Variants in PDE8B observed in about 807,000 individuals in gnomAD.
The protein encoded by PDE8B is phosphodiesterase 8B, also known as high affinity cAMP-specific and IBMX-insensitive 3',5'-cyclic phosphodiesterase 8B.
In PDE8B, 26 loss-of-function variants were observed where a neutral mutation model predicts 101.3. That is an observed-to-expected ratio of 0.26 (90% confidence interval 0.19 to 0.36). PDE8B has a LOEUF of 0.36. Ranked by LOEUF, PDE8B falls within the 10% of genes least tolerant of loss-of-function variation. PDE8B has a pLI of 1.00. For missense variants in PDE8B, 810 were observed against 1,163.1 expected (o/e 0.70, Z 4.42); for synonymous variants, 424 against 429.3 (o/e 0.99, Z 0.15).
intron 2 of PDE8B, among the ~76,000 whole-genome samples, chr5:77,316,927 A>T (rs1773886435): frequency 6.6e-6 from 1 of 152,198 alleles, no homozygotes; most frequent in Admixed American, 6.5e-5. Context: ...TGAAGGACAC[A>T]ATAATTAAGG....
intron 1 of PDE8B, among the ~76,000 whole-genome samples, chr5:77,251,487 G>A (rs1237643596): frequency 1.3e-5 from 2 of 152,194 alleles, no homozygotes. Context: ...TTTCCCATGT[G>A]AGAAAGACTT....
At chr5:77,353,443 T>A in intron 10 of PDE8B, 37 bp downstream of exon 10, 1 of 1,175,406 alleles carries the variant, frequency 8.5e-7, no homozygotes, top group Non-Finnish European at 1.3e-6. Context: ...TCTGTCTGTT[T>A]GGCCATGCGT....
At chr5:77,360,550 C>T (rs532474023) in intron 10 of PDE8B, among the ~76,000 whole-genome samples, 25 of 152,308 alleles carry the variant, frequency 1.6e-4, no homozygotes, top group South Asian at 1.2e-3. Context: ...TTTTGCTCAA[C>T]CTAAATCATC....
intron 10 of PDE8B, among the ~76,000 whole-genome samples, chr5:77,365,354 G>A (rs1351484237): frequency 3.9e-5 from 6 of 152,182 alleles, no homozygotes; most frequent in Admixed American, 6.5e-5. Flanking sequence ...GCGCGATCAT[G>A]TTATATTAGG....
intron 10 of PDE8B, among the ~76,000 whole-genome samples, chr5:77,368,553 C>T (rs886843796): frequency 2.6e-5 from 4 of 152,176 alleles, no homozygotes; most frequent in South Asian, 2.1e-4. Flanking sequence ...TTGCTGGCTG[C>T]GTCACACAGC....
At chr5:77,173,981 A>C in the PDE8B span, among the ~76,000 whole-genome samples, 1 of 152,146 alleles carries the variant, frequency 6.6e-6, no homozygotes, top group African/African-American at 2.4e-5. Flanking sequence ...GCTGGGACCA[A>C]CCACTGGCCT....
the PDE8B span, among the ~76,000 whole-genome samples, chr5:77,190,504 C>T: frequency 1.3e-5 from 2 of 152,284 alleles, no homozygotes; most frequent in Middle Eastern, 3.4e-3. Context: ...GAGAAAAGGA[C>T]GTCTACAGTC....
chr5:77,238,603 G>T (rs1278787831), intron 1 of PDE8B, among the ~76,000 whole-genome samples: 1 of 152,136 alleles, frequency 6.6e-6, no homozygotes, highest in Non-Finnish European at 1.5e-5. Context: ...GAACCAATAG[G>T]ATACACATAG....
At position 77,270,356 on chromosome 5, in the gene PDE8B, G is replaced by T. The variant is rs141965817; in HGVS notation, c.340-41638G>T. On this transcript the variant is annotated intron_variant, in intron 1 of 21. Coordinates refer to ENST00000264917, the MANE Select transcript of PDE8B (RefSeq NM_003719.5). ...GTTTATCCATTCTAATAGTTTTTTG[G>T]TGAAATCTTTAGGTTTTTCCAAGTA... 4.0e-3 allele frequency among the ~76,000 whole-genome samples: 603 copies of T among 152,216 alleles called. 7 individuals carry two copies. The highest frequency in any genetic ancestry group is 0.014 in the African/African-American group (575 of 41,536).
At chr5:77,140,290 T>A in the PDE8B span, 1 of 152,198 alleles carries the variant, frequency 6.6e-6, no homozygotes, top group Non-Finnish European at 1.5e-5. Flanking sequence ...TTTCCTGATT[T>A]GTTTTTGCCA....
the PDE8B span, among the ~76,000 whole-genome samples, chr5:77,095,906 A>C: frequency 6.6e-6 from 1 of 152,122 alleles, no homozygotes; most frequent in Non-Finnish European, 1.5e-5. Context: ...CATGCCTCAA[A>C]CTAGACCCTA....
rs772985826 is a variant in PDE8B, at chr5:77,309,941, A to ACCTTTTTTTTTTTTTTTTTTTT, written c.340-2053_340-2052insCCTTTTTTTTTTTTTTTTTTTT. ...AACTGGTTTCCCTTTTTAATCATTA[A>ACCTTTTTTTTTTTTTTTTTTTT]TCTTTTTTTTTTTTTTTTTTTTTTT... On this transcript the variant is annotated intron_variant, in intron 1 of 21. Coordinates refer to ENST00000264917, the MANE Select transcript of PDE8B (RefSeq NM_003719.5). 4.8e-5 allele frequency among the ~76,000 whole-genome samples: 4 copies of ACCTTTTTTTTTTTTTTTTTTTT among 83,116 alleles called. 1 individual carries two copies. Among genetic ancestry groups the ACCTTTTTTTTTTTTTTTTTTTT allele is most frequent in the African/African-American group, 1.0e-4 (2 of 19,502 alleles). The allele number at this position is 83,116 out of a possible 152,430, so 54.5% of individuals were successfully genotyped here. A position where few individuals can be genotyped will look rare whatever the true frequency, so the allele number is the denominator to read the frequency against.
the PDE8B span, among the ~76,000 whole-genome samples, chr5:77,131,930 CAG>C: frequency 6.6e-6 from 1 of 152,138 alleles, no homozygotes; most frequent in Non-Finnish European, 1.5e-5. Flanking sequence ...ATCAAACTCA[CAG>C]AGTTGTAAGA....
rs1342445975 is a variant in PDE8B at position 77,426,795 on chromosome 5, G to A, written c.*241G>A. 8.6e-6 allele frequency: 4 copies of A among 466,432 alleles called. No homozygotes were observed. Among genetic ancestry groups the A allele is most frequent in the African/African-American group, 2.0e-5 (1 of 50,392 alleles). The allele number at this position is 466,432 out of a possible 1,614,324, so 28.9% of individuals were successfully genotyped here. On this transcript the variant is annotated 3_prime_UTR_variant, in exon 22 of 22. Coordinates refer to ENST00000264917, the MANE Select transcript of PDE8B (RefSeq NM_003719.5). ...GAACAAATACTTGGCAAACTCCTTT[G>A]CTCTGCTGTCATCCTGTGTACCCTT...
chr5:77,257,858 T>TC (rs1026324417), intron 1 of PDE8B, among the ~76,000 whole-genome samples: 12 of 152,074 alleles, frequency 7.9e-5, no homozygotes, highest in Non-Finnish European at 1.5e-4. Flanking sequence ...TGTGTATTGT[T>TC]CCCCTCCCTG....
At chr5:77,319,180 C>T (rs1561520402) in intron 2 of PDE8B, among the ~76,000 whole-genome samples, 1 of 152,182 alleles carries the variant, frequency 6.6e-6, no homozygotes, top group Non-Finnish European at 1.5e-5. Context: ...TAACACCAGA[C>T]CCCCAACAAC....
intron 1 of PDE8B, among the ~76,000 whole-genome samples, chr5:77,225,848 GCACACACACACACA>G (rs3087185): frequency 1.4e-5 from 2 of 144,232 alleles, no homozygotes; most frequent in African/African-American, 2.6e-5. Context: ...ACATGCGCGT[GCACACACACACACA>G]CACACACACA....
the PDE8B span, among the ~76,000 whole-genome samples, chr5:77,154,323 A>G: frequency 2.0e-5 from 3 of 152,218 alleles, no homozygotes; most frequent in Admixed American, 2.0e-4. Context: ...TCTAGATGTG[A>G]GTTCTCTAAG....
At chr5:77,125,566 A>G in the PDE8B span, among the ~76,000 whole-genome samples, 1 of 152,264 alleles carries the variant, frequency 6.6e-6, no homozygotes, top group Non-Finnish European at 1.5e-5. Flanking sequence ...AACAATTCAA[A>G]TGTCAAAACA....
Sources: gnomAD v4.1 joint callset for allele counts (sites outside exome capture counted in the v4.1 genomes callset) on GRCh38, gnomAD v4.1.1 for gene constraint, MANE v1.5 for transcripts, NCBI Gene and HGNC (gene_info 2026-07-23, HGNC 2026-07-21) for gene names.